Variants in S100PBP observed in about 807,000 individuals in gnomAD.
The protein encoded by S100PBP is S100P-binding protein.
A neutral mutation model predicts 39.9 loss-of-function variants in S100PBP; 15 were observed. That is an observed-to-expected ratio of 0.38 (90% CI 0.25 to 0.58). S100PBP has a LOEUF of 0.58. Among genes scored for constraint, S100PBP ranks in the 20% least tolerant of loss-of-function variants. S100PBP has a pLI of 0.70. For missense variants in S100PBP, 504 were observed against 487.3 expected (o/e 1.03, Z -0.32); for synonymous variants, 178 against 180.3 (o/e 0.99, Z 0.10).
chr1:32,824,205 CAAAAA>C (rs35200829), intron 1 of S100PBP, among the ~76,000 whole-genome samples: 1 of 129,450 alleles, frequency 7.7e-6, no homozygotes, highest in Non-Finnish European at 1.6e-5. Flanking sequence ...GACTCCGTCT[CAAAAA>C]AAAAAAAAAA....
upstream of S100PBP, chr1:32,817,403 G>A (rs906836027): frequency 8.2e-6 from 7 of 857,352 alleles, no homozygotes; most frequent in African/African-American, 3.4e-5. Flanking sequence ...TCCGGCAGCG[G>A]CCGGAAAAAG....
upstream of S100PBP, chr1:32,817,136 G>A: frequency 6.2e-7 from 1 of 1,609,218 alleles, no homozygotes; most frequent in Non-Finnish European, 8.5e-7. Flanking sequence ...CAAAATCACT[G>A]AACCTCGGGC....
upstream of S100PBP, chr1:32,817,395 C>A (rs1024393458): frequency 1.1e-6 from 1 of 913,226 alleles, no homozygotes; most frequent in African/African-American, 1.6e-5. Context: ...TGGACCCCTC[C>A]GGCAGCGGCC....
upstream of S100PBP, chr1:32,817,256 C>A: frequency 6.2e-7 from 1 of 1,613,928 alleles, no homozygotes; most frequent in Non-Finnish European, 8.5e-7. Context: ...GCTCCGCTAC[C>A]CCTGCTTCCC....
In S100PBP at chr1:32,856,033, A is replaced by G. The variant is rs755517340; in HGVS notation, c.1222A>G (p.Ser408Gly). Residue 408 changes from serine (S) to glycine (G), a missense_variant, in exon 7 of 7, where the codon AGT becomes GGT. Coordinates refer to ENST00000373475, the MANE Select transcript of S100PBP (RefSeq NM_022753.4). The part of the protein sequence containing the change: ...RFQRLPDFSY[S>G] ...CCAGCGTCTCCCAGACTTCTCGTACAGTTAATTTGTGTCATCCCATCAGCA... is the reference window on the plus strand; with the variant it reads ...CCAGCGTCTCCCAGACTTCTCGTACGGTTAATTTGTGTCATCCCATCAGCA... 1 of 1,608,706 alleles carries G rather than the reference A, an allele frequency of 6.2e-7. No homozygotes were observed. Among genetic ancestry groups the G allele is most frequent in the African/African-American group, 1.3e-5 (1 of 74,922 alleles).
chr1:32,832,259 G>T (rs1639634666), intron 5 of S100PBP, among the ~76,000 whole-genome samples: 1 of 136,614 alleles, frequency 7.3e-6, no homozygotes, highest in Non-Finnish European at 1.6e-5. Context: ...CAGCAAGAAA[G>T]GATATTTTTT....
intron 5 of S100PBP, among the ~76,000 whole-genome samples, chr1:32,845,888 A>C (rs541518357): frequency 6.6e-6 from 1 of 151,642 alleles, no homozygotes; most frequent in Admixed American, 6.6e-5. Context: ...CATGTTGCCC[A>C]CGCTGGTCTC....
chr1:32,824,207 A>G (rs3928206), intron 1 of S100PBP, among the ~76,000 whole-genome samples: 11,744 of 42,074 alleles, frequency 0.28, 621 homozygotes, highest in Admixed American at 0.44. Context: ...CTCCGTCTCA[A>G]AAAAAAAAAA....
At chr1:32,842,236 T>TATATACACAC (rs372174677) in intron 5 of S100PBP, among the ~76,000 whole-genome samples, 1,918 of 80,776 alleles carry the variant, frequency 0.024, 49 homozygotes, top group African/African-American at 0.077. Flanking sequence ...TATATATATA[T>TATATACACAC]ACACACACAC....
intron 6 of S100PBP, among the ~76,000 whole-genome samples, chr1:32,854,104 CAA>C (rs1273513095): frequency 6.6e-6 from 1 of 151,906 alleles, no homozygotes; most frequent in East Asian, 1.9e-4. Flanking sequence ...TTCAGATACT[CAA>C]AAACCTTGGA....
intron 2 of S100PBP, 149 bp from the exon 3 acceptor site, chr1:32,825,949 G>A: frequency 3.3e-6 from 2 of 600,038 alleles, no homozygotes; most frequent in South Asian, 4.7e-5. Flanking sequence ...CATGTTTCTG[G>A]TAAGGTTAAA....
chr1:32,841,915 G>A (rs141160443), intron 5 of S100PBP, among the ~76,000 whole-genome samples: 53 of 149,684 alleles, frequency 3.5e-4, no homozygotes, highest in African/African-American at 1.3e-3. Flanking sequence ...TGCAAGATAT[G>A]GATTAAAGCC....
At chr1:32,850,262 T>G (rs1407692223) in intron 5 of S100PBP, among the ~76,000 whole-genome samples, 1 of 152,246 alleles carries the variant, frequency 6.6e-6, no homozygotes, top group African/African-American at 2.4e-5. Flanking sequence ...TTCCATATAT[T>G]GCTAGCCCTC....
intron 2 of S100PBP, 141 bp downstream of exon 2, chr1:32,825,570 T>C (rs1241585575): frequency 6.5e-6 from 1 of 152,726 alleles, no homozygotes; most frequent in Non-Finnish European, 1.5e-5. Flanking sequence ...TTGTATGTTG[T>C]AGATATCATT....
At chr1:32,848,989 C>G (rs1640498240) in intron 5 of S100PBP, among the ~76,000 whole-genome samples, 2 of 152,156 alleles carry the variant, frequency 1.3e-5, no homozygotes, top group South Asian at 4.1e-4. Flanking sequence ...AGAGAAAATT[C>G]AAATGTTCCC....
chr1:32,836,437 T>G, intron 5 of S100PBP: 5 of 651,866 alleles, frequency 7.7e-6, no homozygotes, highest in South Asian at 6.8e-5. Context: ...TGGCTTGTGT[T>G]TTTGTTTTTG....
At chr1:32,844,984 A>G (rs1292700961) in intron 5 of S100PBP, among the ~76,000 whole-genome samples, 3 of 137,928 alleles carry the variant, frequency 2.2e-5, no homozygotes, top group South Asian at 2.3e-4. Context: ...ACCCCCCACC[A>G]TGCCCGGCTA....
At chr1:32,821,211 G>A (rs867455845) in intron 1 of S100PBP, among the ~76,000 whole-genome samples, 2 of 151,996 alleles carry the variant, frequency 1.3e-5, no homozygotes, top group Non-Finnish European at 2.9e-5. Flanking sequence ...AGGCTGAGGC[G>A]GACGGATCAC....
intron 5 of S100PBP, among the ~76,000 whole-genome samples, chr1:32,832,216 A>G (rs892019219): frequency 1.3e-5 from 2 of 152,236 alleles, no homozygotes; most frequent in African/African-American, 4.8e-5. Flanking sequence ...ACCTAGCTCT[A>G]GTAACTAACA....
Sources: gnomAD v4.1 joint callset for allele counts (sites outside exome capture counted in the v4.1 genomes callset) on GRCh38, gnomAD v4.1.1 for gene constraint, MANE v1.5 for transcripts, NCBI Gene and HGNC (gene_info 2026-07-23, HGNC 2026-07-21) for gene names.